Variants in CNTN1 observed in about 807,000 individuals in gnomAD.
CNTN1 encodes the protein contactin-1.
Under a neutral mutation model 126.4 loss-of-function variants are expected in CNTN1, and 38 were observed. That is an observed-to-expected ratio of 0.30 (90% CI 0.23 to 0.39). CNTN1 has a LOEUF of 0.39. CNTN1 is among the 10% of genes least tolerant of loss of function. The pLI is 1.00. For synonymous variants in CNTN1, 413 were observed against 422.6 expected (o/e 0.98, Z 0.28); for missense variants, 1,009 against 1,248.4 (o/e 0.81, Z 2.89).
intron 1 of CNTN1, among the ~76,000 whole-genome samples, chr12:40,795,308 CACACACACACAT>C (rs1487952668): frequency 7.6e-5 from 1 of 13,162 alleles, no homozygotes; most frequent in East Asian, 2.8e-3. Flanking sequence ...CACACACACA[CACACACACACAT>C]TTTTTTTTTT....
Position 40,706,042 on chromosome 12 carries a change from A to T in CNTN1, c.-77+13450A>T, listed in dbSNP as rs544230563. The stretch of plus-strand genomic sequence containing the variant: ...CACACCTCCAACATTGGGTATTAAG[A>T]TTTGACATGAGATTTGGGTGGCAAC... On this transcript the variant is annotated intron_variant, in intron 1 of 23. Transcript: ENST00000551295. Among the ~76,000 whole-genome samples, 576 of 152,028 alleles carry T rather than the reference A, an allele frequency of 3.8e-3. 2 individuals carry two copies. Among genetic ancestry groups the T allele is most frequent in the Non-Finnish European group, 6.9e-3 (468 of 67,968 alleles).
At chr12:40,946,187 A>G (rs895359281) in intron 14 of CNTN1, among the ~76,000 whole-genome samples, 2 of 152,150 alleles carry the variant, frequency 1.3e-5, no homozygotes, top group South Asian at 2.1e-4. Context: ...AAGGCAAACT[A>G]CAAAGTTAAA....
At chr12:40,807,479 T>C (rs79705790) in intron 1 of CNTN1, among the ~76,000 whole-genome samples, 4,216 of 152,120 alleles carry the variant, frequency 0.028, 101 homozygotes, top group African/African-American at 0.069. Flanking sequence ...TAAAAGCTAG[T>C]GCTACCCTCT....
At chr12:40,828,694 T>C (rs1941702785) in intron 1 of CNTN1, among the ~76,000 whole-genome samples, 1 of 152,196 alleles carries the variant, frequency 6.6e-6, no homozygotes, top group African/African-American at 2.4e-5. Context: ...TAGTAAAAGA[T>C]GTGGGTAGAC....
At chr12:40,967,144 G>C (rs1337189849) in intron 15 of CNTN1, among the ~76,000 whole-genome samples, 1 of 151,930 alleles carries the variant, frequency 6.6e-6, no homozygotes, top group Non-Finnish European at 1.5e-5. Flanking sequence ...TCCAGCCTGG[G>C]CAGTAGAGCG....
chr12:40,994,091 G>C (rs1948156219), intron 17 of CNTN1, among the ~76,000 whole-genome samples: 1 of 151,992 alleles, frequency 6.6e-6, no homozygotes, highest in Non-Finnish European at 1.5e-5. Context: ...AATAATTTAA[G>C]ACAGATCTTA....
At chr12:40,784,983 T>G (rs1331242948) in intron 1 of CNTN1, among the ~76,000 whole-genome samples, 1 of 152,008 alleles carries the variant, frequency 6.6e-6, no homozygotes, top group East Asian at 1.9e-4. Flanking sequence ...TGAACCTAAA[T>G]TCAAGGCATT....
Position 41,014,313 on chromosome 12 carries a change from G to C in CNTN1, c.2184+15G>C. The C allele has an allele frequency of 3.1e-6, 5 of 1,612,878 alleles. No individual in the cohort carries two copies. The highest frequency in any genetic ancestry group is 4.2e-6 in the Non-Finnish European group (5 of 1,178,942). On this transcript the variant is annotated intron_variant, in intron 18 of 23. Transcript: ENST00000551295. ...TAACATGGGCGGTAAGTATTGATGA[G>C]TTGCACATATTATAGGTTGCTGTAT... is the stretch of plus-strand genomic sequence containing the variant.
At chr12:40,801,977 A>T (rs1210052506) in intron 1 of CNTN1, among the ~76,000 whole-genome samples, 1 of 151,828 alleles carries the variant, frequency 6.6e-6, no homozygotes, top group Non-Finnish European at 1.5e-5. Context: ...AAGTAGATGG[A>T]AGATGGATAC....
At chr12:41,013,172 G>C (rs181357337) in intron 17 of CNTN1, among the ~76,000 whole-genome samples, 2 of 152,104 alleles carry the variant, frequency 1.3e-5, no homozygotes, top group Non-Finnish European at 2.9e-5. Context: ...GGGAAGGTTG[G>C]TCACTGTACC....
At chr12:40,996,216 C>T (rs1229384463) in intron 17 of CNTN1, among the ~76,000 whole-genome samples, 4 of 151,914 alleles carry the variant, frequency 2.6e-5, no homozygotes, top group Non-Finnish European at 5.9e-5. Context: ...ACTGCAGCCT[C>T]GACCTCCAGG....
chr12:40,887,831 G>A (rs962955127), intron 1 of CNTN1, among the ~76,000 whole-genome samples: 32 of 152,080 alleles, frequency 2.1e-4, no homozygotes, highest in African/African-American at 7.5e-4. Context: ...ATACTATGCA[G>A]CCATAAAAAA....
At chr12:40,710,265 G>A (rs528314649) in intron 1 of CNTN1, among the ~76,000 whole-genome samples, 1 of 152,262 alleles carries the variant, frequency 6.6e-6, no homozygotes, top group African/African-American at 2.4e-5. Context: ...GGCCTGAGGA[G>A]AGGGAGAAAG....
At chr12:40,960,125 G>T (rs1474940089) in intron 15 of CNTN1, among the ~76,000 whole-genome samples, 1 of 151,756 alleles carries the variant, frequency 6.6e-6, no homozygotes, top group Admixed American at 6.6e-5. Context: ...TATGAGCTCC[G>T]ATCTTCTGAA....
At chr12:40,808,284 G>A (rs527745534) in intron 1 of CNTN1, among the ~76,000 whole-genome samples, 1 of 152,284 alleles carries the variant, frequency 6.6e-6, no homozygotes, top group African/African-American at 2.4e-5. Context: ...ATTGTGAGCT[G>A]AGATGTGCTG....
intron 18 of CNTN1, among the ~76,000 whole-genome samples, chr12:41,015,206 A>AG (rs1948751817): frequency 2.1e-4 from 1 of 4,742 alleles, no homozygotes; most frequent in Admixed American, 2.9e-3. Flanking sequence ...AGCAAAAAAA[A>AG]ACTAATCTGA....
chr12:40,997,216 G>A (rs1230723156), intron 17 of CNTN1, among the ~76,000 whole-genome samples: 2 of 152,226 alleles, frequency 1.3e-5, no homozygotes, highest in Non-Finnish European at 1.5e-5. Flanking sequence ...ATGTGTCATT[G>A]TAAGACATGC....
chr12:41,029,164 G>A lies in CNTN1; in HGVS notation c.2925G>A (p.Glu975=). ...CCAGAGATGGAGAATACGTTGTGGA[G>A]GTTCGCGCGCACAGTGATGGAGGAG... The part of the protein sequence containing the change: ...PIPRDGEYVV[E]VRAHSDGGDG... The change falls in exon 23 of 24, where the codon GAG becomes GAA. Residue 975 remains glutamate, a synonymous_variant. Transcript: ENST00000551295. 6.2e-7 allele frequency: 1 copy of A among 1,614,070 alleles called. No individual in the cohort carries two copies. Among genetic ancestry groups the A allele is most frequent in the Non-Finnish European group, 8.5e-7 (1 of 1,180,010 alleles).
At chr12:40,882,810 A>T (rs1422146298) in intron 1 of CNTN1, among the ~76,000 whole-genome samples, 1 of 151,586 alleles carries the variant, frequency 6.6e-6, no homozygotes, top group Non-Finnish European at 1.5e-5. Context: ...AGTATAAGTA[A>T]AATAGTTTAT....
Sources: allele counts gnomAD v4.1 joint callset (sites outside exome capture counted in the v4.1 genomes callset), GRCh38; gene constraint gnomAD v4.1.1; transcripts MANE v1.5; gene names NCBI Gene and HGNC (gene_info 2026-07-23, HGNC 2026-07-21).